Variants in GRID2IP observed in about 807,000 individuals in gnomAD.
The protein encoded by GRID2IP is delphilin.
In GRID2IP, 78 loss-of-function variants were observed where a neutral mutation model predicts 114.3. The observed-to-expected ratio is 0.68, with a 90% confidence interval of 0.57 to 0.82. The LOEUF (loss-of-function observed/expected upper bound fraction) is 0.82. GRID2IP is among the 40% of genes least tolerant of loss of function. The pLI is 0.00. For synonymous variants in GRID2IP, 809 were observed against 724.0 expected (o/e 1.12, Z -1.89); for missense variants, 1,727 against 1,678.5 (o/e 1.03, Z -0.51).
In GRID2IP at chr7:6,521,538, T is replaced by A. The variant is rs1039792511; in HGVS notation, c.990-15A>T. ...GGGAGCAGTTCCTGCCAAGCAGAGA[T>A]GGCCCAGGAGGGCCTGACTGGGGTG... On this transcript the variant is annotated splice_polypyrimidine_tract_variant and intron_variant, in intron 5 of 21. Coordinates refer to ENST00000457091, the MANE Select transcript of GRID2IP (RefSeq NM_001145118.2). This position sits in a 1 kb window ranked among gnomAD's most constrained non-coding sequence, Gnocchi z 4.1. The A allele has an allele frequency of 2.0e-6, 3 of 1,533,730 alleles. No individual in the cohort carries two copies. The highest frequency in any genetic ancestry group is 1.2e-5 in the South Asian group (1 of 81,536).
chr7:6,505,895 A>G lies in GRID2IP; in HGVS notation c.2557T>C (p.Ser853Pro), dbSNP rs1330565102. Residue 853 changes from serine to proline, a missense_variant, in exon 14 of 22, where the codon TCT (serine) becomes CCT (proline). By Grantham distance (74) the Ser-to-Pro change is moderately conservative. Transcript: ENST00000457091. ...GTIWGQLGED[S>P]DYDKLSDMVK... ...ATGTCACTCAGCTTATCGTAGTCAG[A>G]GTCTTCCCCGAGCTGCGAGGGAGGA... 1 of 1,551,712 alleles carries G rather than the reference A, an allele frequency of 6.4e-7. No homozygotes were observed. Among genetic ancestry groups the G allele is most frequent in the South Asian group, 1.2e-5 (1 of 84,056 alleles).
intron 1 of GRID2IP, among the ~76,000 whole-genome samples, chr7:6,550,346 C>G (rs1384610536): frequency 6.6e-6 from 1 of 151,936 alleles, no homozygotes; most frequent in African/African-American, 2.4e-5. Context: ...ATTCTGGTGT[C>G]AATTATTCTA....
rs1418562138 is a variant in GRID2IP at position 6,510,896 on chromosome 7, C to T, written c.1555+12G>A. 6.5e-7 allele frequency: 1 copy of T among 1,549,998 alleles called. No homozygotes were observed. The highest frequency in any genetic ancestry group is 1.2e-5 in the South Asian group (1 of 84,018). On this transcript the variant is annotated intron_variant, in intron 9 of 21. Coordinates refer to ENST00000457091, the MANE Select transcript of GRID2IP (RefSeq NM_001145118.2). ...AGCTCCATTCATACCCTCCCCCTGA[C>T]ACCAGCCTTACCGCAGCTGAGGCCG...
Position 6,507,788 on chromosome 7 carries a change from G to C in GRID2IP, c.2544+197C>G, listed in dbSNP as rs1402959029. Among the ~76,000 whole-genome samples the C allele has an allele frequency of 1.3e-5, 2 of 152,228 alleles. No homozygotes were observed. The highest frequency in any genetic ancestry group is 2.9e-5 in the Non-Finnish European group (2 of 68,042). ...GTGTCCCCAGTGTGTGTCTTTGGCTGAGGGACACAGATTGGCTTCAATGCC... is the reference window on the plus strand; with the variant it reads ...GTGTCCCCAGTGTGTGTCTTTGGCTCAGGGACACAGATTGGCTTCAATGCC... On this transcript the variant is annotated intron_variant, in intron 13 of 21. Transcript: ENST00000457091. The surrounding 1 kb of genome is among the most constrained non-coding windows in gnomAD (Gnocchi z 5.3).
At position 6,536,954 on chromosome 7, in the gene GRID2IP, A is replaced by T. The variant is rs939953028; in HGVS notation, c.584+2764T>A. 11 of 521,772 alleles carry T rather than the reference A, an allele frequency of 2.1e-5. No individual in the cohort carries two copies. Among genetic ancestry groups the T allele is most frequent in the Non-Finnish European group, 3.5e-5 (10 of 283,954 alleles). 32.3% of individuals were successfully genotyped at this position (521,772 alleles called of 1,614,324 possible). On this transcript the variant is annotated intron_variant, in intron 2 of 21. Transcript: ENST00000457091. This position sits in a 1 kb window ranked among gnomAD's most constrained non-coding sequence, Gnocchi z 5.3. The stretch of plus-strand genomic sequence containing the variant: ...GGGAGGGTGGCCAGCCCAGTCCCTG[A>T]CATTGGCCAGGCCCAGAGGGAGGGG...
intron 4 of GRID2IP, among the ~76,000 whole-genome samples, chr7:6,525,647 AAAAT>A (rs1053411693): frequency 6.6e-6 from 1 of 152,136 alleles, no homozygotes; most frequent in African/African-American, 2.4e-5. Flanking sequence ...AAAATAAAAT[AAAAT>A]AAATAAAAAG....
chr7:6,548,865 T>C (rs1043404468), intron 1 of GRID2IP, among the ~76,000 whole-genome samples: 2 of 148,602 alleles, frequency 1.3e-5, no homozygotes, highest in African/African-American at 2.5e-5. Flanking sequence ...AAAAAGTCTA[T>C]GAGCTTAAGT....
At position 6,509,940 on chromosome 7, in the gene GRID2IP, C is replaced by G. The variant is rs552518653; in HGVS notation, c.1771+343G>C. On this transcript the variant is annotated intron_variant, in intron 11 of 21. Coordinates refer to ENST00000457091, the MANE Select transcript of GRID2IP (RefSeq NM_001145118.2). This position sits in a 1 kb window ranked among gnomAD's most constrained non-coding sequence, Gnocchi z 4.9. ...AACTCCTGGGCTCAAGTGATCCTCC[C>G]GCCTCAGCCTCTTGAGGAGTTGGGA... is the stretch of plus-strand genomic sequence containing the variant. 4.6e-5 allele frequency among the ~76,000 whole-genome samples: 7 copies of G among 152,202 alleles called. No individual in the cohort carries two copies. The South Asian group carries it at 1.5e-3, about 32-fold the overall frequency.
chr7:6,503,079 C>G lies in GRID2IP; in HGVS notation c.2992G>C (p.Gly998Arg), dbSNP rs748523272. ...TLQEKTEEIR[G>R]SLECLRQASL... The stretch of plus-strand genomic sequence containing the variant: ...GCCTGGCGCAAGCATTCAAGGCTGC[C>G]TCGGATCTCCTCTGTCTTCTCCTGG... Residue 998 changes from glycine (G) to arginine (R), a missense_variant, in exon 17 of 22, where the codon GGC becomes CGC. Physicochemically the swap from Gly to Arg is moderately radical, Grantham distance 125. Coordinates refer to ENST00000457091, the MANE Select transcript of GRID2IP (RefSeq NM_001145118.2). The G allele has an allele frequency of 1.3e-6, 2 of 1,551,382 alleles. No homozygotes were observed. The highest frequency in any genetic ancestry group is 1.4e-5 in the African/African-American group (1 of 73,074).
chr7:6,523,275 G>C lies in GRID2IP; in HGVS notation c.920-1318C>G, dbSNP rs1049933841. ...AGGGAAGACTTCCCGGGAGAGGCGAGATGGGGGAAGTCCTTTCCCTGGACC... is the reference window on the plus strand; with the variant it reads ...AGGGAAGACTTCCCGGGAGAGGCGACATGGGGGAAGTCCTTTCCCTGGACC... On this transcript the variant is annotated intron_variant, in intron 4 of 21. Coordinates refer to ENST00000457091, the MANE Select transcript of GRID2IP (RefSeq NM_001145118.2). The surrounding 1 kb of genome is among the most constrained non-coding windows in gnomAD (Gnocchi z 4.5). Among the ~76,000 whole-genome samples, 8 of 152,182 alleles carry C rather than the reference G, an allele frequency of 5.3e-5. No homozygotes were observed. Among genetic ancestry groups the C allele is most frequent in the African/African-American group, 1.9e-4 (8 of 41,452 alleles).
chr7:6,533,051 C>A (rs867619658), intron 2 of GRID2IP, among the ~76,000 whole-genome samples: 1 of 152,180 alleles, frequency 6.6e-6, no homozygotes, highest in Non-Finnish European at 1.5e-5. Flanking sequence ...CTCAACCAGT[C>A]GTGATTTTTG....
At chr7:6,531,084 A>G in intron 2 of GRID2IP, 2 of 596,078 alleles carry the variant, frequency 3.4e-6, no homozygotes, top group Non-Finnish European at 3.0e-6. Flanking sequence ...TGCCGAGAGA[A>G]GCCCTGGTCC....
At chr7:6,501,730 C>G (rs902045450) in intron 20 of GRID2IP, 51 bp downstream of exon 20, 4 of 1,396,212 alleles carry the variant, frequency 2.9e-6, no homozygotes, top group Non-Finnish European at 4.0e-6. Flanking sequence ...CAGCTCTACC[C>G]AACCACCCCA....
chr7:6,505,592 C>T (rs1249776401), intron 14 of GRID2IP, among the ~76,000 whole-genome samples: 1 of 152,148 alleles, frequency 6.6e-6, no homozygotes, highest in Non-Finnish European at 1.5e-5. Context: ...TGGTCTCGAA[C>T]CCCTGAGCTC....
At chr7:6,505,296 G>C (rs1294587938) in intron 14 of GRID2IP, among the ~76,000 whole-genome samples, 1 of 151,330 alleles carries the variant, frequency 6.6e-6, no homozygotes, top group Admixed American at 6.6e-5. Flanking sequence ...ACATCACAGA[G>C]TTGCCATGGG....
intron 8 of GRID2IP, among the ~76,000 whole-genome samples, chr7:6,511,270 A>G (rs1445711361): frequency 1.3e-5 from 2 of 151,642 alleles, no homozygotes; most frequent in Non-Finnish European, 2.9e-5. Flanking sequence ...GCCTGAACTC[A>G]GGGGCCTAGC....
chr7:6,514,951 CAAAAA>C (rs537586098), intron 7 of GRID2IP, among the ~76,000 whole-genome samples: 4 of 76,142 alleles, frequency 5.3e-5, no homozygotes, highest in Admixed American at 4.3e-4. Context: ...GACTCCAACT[CAAAAA>C]AAAAAAAAAA....
rs146450232 is a variant in GRID2IP at position 6,522,548 on chromosome 7, G to A, written c.920-591C>T. On this transcript the variant is annotated intron_variant, in intron 4 of 21. Transcript: ENST00000457091. ...CAGGGTCTTGCTGAAGTGCAGAGGT[G>A]TGATCACAGATCACTGCAGCCTCAA... is the stretch of plus-strand genomic sequence containing the variant. Among the ~76,000 whole-genome samples the A allele has an allele frequency of 9.0e-3, 1,362 of 151,852 alleles. 10 individuals carry two copies. Among genetic ancestry groups the A allele is most frequent in the Non-Finnish European group, 0.015 (1,031 of 67,938 alleles).
intron 2 of GRID2IP, among the ~76,000 whole-genome samples, chr7:6,539,073 G>A (rs1406038806): frequency 6.6e-6 from 1 of 151,958 alleles, no homozygotes; most frequent in Non-Finnish European, 1.5e-5. Flanking sequence ...GGAAGTGTCT[G>A]GTATCCTGTT....
Sources: gnomAD v4.1 joint callset for allele counts (sites outside exome capture counted in the v4.1 genomes callset) on GRCh38, gnomAD v4.1.1 for gene constraint, Gnocchi (gnomAD v3.1) non-coding constraint, MANE v1.5 for transcripts, NCBI Gene and HGNC (gene_info 2026-07-23, HGNC 2026-07-21) for gene names.